NEXN: variants seen among roughly 807,000 people sequenced by gnomAD.
NEXN encodes the protein nexilin F-actin binding protein.
NEXN carries 65 observed loss-of-function variants against 92.6 expected under a neutral mutation model. The ratio of observed to expected loss-of-function variants is 0.70; its 90% confidence interval spans 0.57 to 0.86. The LOEUF (loss-of-function observed/expected upper bound fraction) is 0.86, where lower values mean the gene tolerates loss of function less well. Among genes scored for constraint, NEXN ranks in the 40% least tolerant of loss-of-function variants. NEXN has a pLI of 0.00. For synonymous variants in NEXN, 254 were observed against 242.5 expected (o/e 1.05, Z -0.44); for missense variants, 778 against 771.1 (o/e 1.01, Z -0.11).
intron 1 of NEXN, among the ~76,000 whole-genome samples, chr1:77,911,918 A>C (rs2102074687): frequency 6.6e-6 from 1 of 151,892 alleles, no homozygotes; most frequent in Non-Finnish European, 1.5e-5. Context: ...GTCTCTACTA[A>C]AAATACAAAA....
At position 77,939,244 on chromosome 1, in the gene NEXN, G is replaced by C. The variant is rs116656120; in HGVS notation, c.1474-2779G>C. Among the ~76,000 whole-genome samples, 418 of 152,286 alleles carry C rather than the reference G, an allele frequency of 2.7e-3. 2 individuals carry two copies. The highest frequency in any genetic ancestry group is 9.3e-3 in the African/African-American group (388 of 41,542). On this transcript the variant is annotated intron_variant, in intron 11 of 12. Transcript: ENST00000334785. ...TGATGCTATAGAGAAATCAGGTCTG[G>C]GGAGTTGGGGTGAATAGTTTTGGCA...
At chr1:77,892,746 G>C (rs1299729607) in intron 1 of NEXN, among the ~76,000 whole-genome samples, 1 of 152,068 alleles carries the variant, frequency 6.6e-6, no homozygotes, top group Non-Finnish European at 1.5e-5. Context: ...GTGTCGATTA[G>C]AGCTGGAAGG....
Position 77,939,739 on chromosome 1 carries a change from CAT to C in NEXN, c.1474-2281_1474-2280del, listed in dbSNP as rs1170132191. On this transcript the variant is annotated intron_variant, in intron 11 of 12. Coordinates refer to ENST00000334785, the MANE Select transcript of NEXN (RefSeq NM_144573.4). Reference sequence around the variant, plus strand: ...TGGAGGACAATGAAGTCCCTCCTATCATATCTTTCTGGCTTAAAGATTATTGA... The same window carrying C: ...TGGAGGACAATGAAGTCCCTCCTATCATCTTTCTGGCTTAAAGATTATTGA... Among the ~76,000 whole-genome samples, 3 of 152,288 alleles carry C rather than the reference CAT, an allele frequency of 2.0e-5. No individual in the cohort carries two copies. In the South Asian group the frequency reaches 6.2e-4, roughly 32 times the overall value.
intron 1 of NEXN, among the ~76,000 whole-genome samples, chr1:77,892,065 AGAGT>A (rs1571056943): frequency 1.3e-5 from 2 of 151,956 alleles, no homozygotes; most frequent in Non-Finnish European, 2.9e-5. Flanking sequence ...CCTAAGCAAC[AGAGT>A]GAGGCTCTGT....
chr1:77,911,779 C>A, intron 1 of NEXN, among the ~76,000 whole-genome samples: 1 of 149,424 alleles, frequency 6.7e-6, no homozygotes, highest in African/African-American at 2.5e-5. Context: ...ATTCCAAAAT[C>A]CAAAAAAGAT....
At chr1:77,927,028 T>A in intron 8 of NEXN, 136 bp downstream of exon 8, 1 of 1,209,282 alleles carries the variant, frequency 8.3e-7, no homozygotes, top group Non-Finnish European at 1.2e-6. Flanking sequence ...ATTTCATATA[T>A]AAAATACATC....
At chr1:77,914,628 G>A (rs1648822389) in intron 1 of NEXN, among the ~76,000 whole-genome samples, 1 of 152,064 alleles carries the variant, frequency 6.6e-6, no homozygotes, top group Admixed American at 6.6e-5. Flanking sequence ...GGAGGCCTAG[G>A]TGGGTGGATC....
intron 1 of NEXN, among the ~76,000 whole-genome samples, chr1:77,890,538 TTA>T (rs1220282672): frequency 6.6e-6 from 1 of 152,136 alleles, no homozygotes; most frequent in African/African-American, 2.4e-5. Context: ...AAGGAATGCA[TTA>T]TCTAGGTTTT....
chr1:77,940,918 T>C (rs1310091117), intron 11 of NEXN, among the ~76,000 whole-genome samples: 1 of 152,278 alleles, frequency 6.6e-6, no homozygotes, highest in East Asian at 1.9e-4. Flanking sequence ...AGGTAGCAGG[T>C]TGTCTGATGT....
At position 77,933,468 on chromosome 1, in the gene NEXN, G is replaced by C. The variant is rs774281959; in HGVS notation, c.1240G>C (p.Glu414Gln). The C allele has an allele frequency of 6.2e-7, 1 of 1,606,022 alleles. No homozygotes were observed. The highest frequency in any genetic ancestry group is 1.7e-5 in the Admixed American group (1 of 59,984). Residue 414 changes from glutamate (E) to glutamine (Q), a missense_variant, in exon 10 of 13, where the codon GAA (glutamate) becomes CAA (glutamine). By Grantham distance (29) the Glu-to-Gln change is conservative. Transcript: ENST00000334785. ...EKQEFEQLRQEMGEEEEENET... is the reference protein window; with the variant it reads ...EKQEFEQLRQQMGEEEEENET... Reference sequence around the variant, plus strand: ...ACAAGAATTTGAACAACTGAGACAGGAAATGGGAGAGGTAAGATTTTAAGA... The same window carrying C: ...ACAAGAATTTGAACAACTGAGACAGCAAATGGGAGAGGTAAGATTTTAAGA...
intron 1 of NEXN, among the ~76,000 whole-genome samples, chr1:77,890,938 G>C (rs943492138): frequency 1.3e-5 from 2 of 152,096 alleles, no homozygotes; most frequent in Admixed American, 1.3e-4. Context: ...AATTTGGAGA[G>C]AAAATGATTT....
At chr1:77,912,398 A>G (rs1428469564) in intron 1 of NEXN, among the ~76,000 whole-genome samples, 1 of 152,184 alleles carries the variant, frequency 6.6e-6, no homozygotes, top group African/African-American at 2.4e-5. Context: ...GATTCAATGC[A>G]ATCCCAATCA....
At position 77,942,617 on chromosome 1, in the gene NEXN, A is replaced by T. The variant is rs1179478486; in HGVS notation, c.1816A>T (p.Thr606Ser). 17 of 1,613,894 alleles carry T rather than the reference A, an allele frequency of 1.1e-5. No homozygotes were observed. The highest frequency in any genetic ancestry group is 1.4e-5 in the Non-Finnish European group (16 of 1,179,794). The part of the protein sequence containing the change: ...SEPVRFTVKV[T>S]GEPKPEITWW... ...GCCAGTCAGATTTACGGTTAAAGTAACAGGAGAACCCAAACCAGAAATTAC... is the reference window on the plus strand; with the variant it reads ...GCCAGTCAGATTTACGGTTAAAGTATCAGGAGAACCCAAACCAGAAATTAC... Residue 606 changes from threonine (T) to serine (S), a missense_variant, in exon 13 of 13, where the codon ACA becomes TCA. Coordinates refer to ENST00000334785, the MANE Select transcript of NEXN (RefSeq NM_144573.4).
intron 5 of NEXN, among the ~76,000 whole-genome samples, chr1:77,922,087 G>C (rs1195384122): frequency 2.0e-5 from 3 of 150,980 alleles, no homozygotes; most frequent in Non-Finnish European, 3.0e-5. Flanking sequence ...TTTTTATTGA[G>C]AGATTAACAT....
rs374260457 is a variant in NEXN at position 77,929,480 on chromosome 1, G to A, written c.1029G>A (p.Ala343=). ...ARRRIEEEKK[A]FAEARRNMVV... is the part of the protein sequence containing the mutation. ...GGAGAATAGAGGAAGAAAAGAAGGCGTTTGCTGAAGCAAGGAGAAATATGG... is the reference window on the plus strand; with the variant it reads ...GGAGAATAGAGGAAGAAAAGAAGGCATTTGCTGAAGCAAGGAGAAATATGG... Residue 343 remains alanine (A), a synonymous_variant, in exon 9 of 13, where the codon GCG becomes GCA. Coordinates refer to ENST00000334785, the MANE Select transcript of NEXN (RefSeq NM_144573.4). 8.5e-5 allele frequency: 137 copies of A among 1,612,778 alleles called. No individual in the cohort carries two copies. Among genetic ancestry groups the A allele is most frequent in the African/African-American group, 6.0e-4 (45 of 74,994 alleles).
In NEXN at chr1:77,942,733, T is replaced by C. The variant is rs1557998780; in HGVS notation, c.1932T>C (p.Thr644=). ...CTTACTGCCTTTACTTACCAGAAAC[T>C]TTCCCAGAAGATGGAGGAGAGTATA... The part of the protein sequence containing the change: ...GETYCLYLPE[T]FPEDGGEYMC... Residue 644 remains threonine, a synonymous_variant, in exon 13 of 13, where the codon ACT becomes ACC. Coordinates refer to ENST00000334785, the MANE Select transcript of NEXN (RefSeq NM_144573.4). 1 of 1,613,768 alleles carries C rather than the reference T, an allele frequency of 6.2e-7. No homozygotes were observed. Among genetic ancestry groups the C allele is most frequent in the Non-Finnish European group, 8.5e-7 (1 of 1,179,740 alleles).
In NEXN at chr1:77,926,518, G is replaced by A; in HGVS notation, c.594G>A (p.Glu198=). Residue 198 remains glutamate (E), a synonymous_variant, in exon 7 of 13, where the codon GAG becomes GAA. Coordinates refer to ENST00000334785, the MANE Select transcript of NEXN (RefSeq NM_144573.4). ...NFEDLEKERE[E]KERIKYEEDK... ...AGGATCTAGAAAAAGAACGTGAAGA[G>A]AAAGAAAGGATCAAGTACGAGGAAG... 1.9e-6 allele frequency: 3 copies of A among 1,613,104 alleles called. No homozygotes were observed. Among genetic ancestry groups the A allele is most frequent in the Non-Finnish European group, 1.7e-6 (2 of 1,179,674 alleles).
chr1:77,895,029 ATTTTTT>A (rs559226754), intron 1 of NEXN, among the ~76,000 whole-genome samples: 88 of 61,658 alleles, frequency 1.4e-3, no homozygotes, highest in African/African-American at 5.5e-3. Flanking sequence ...CTATAGTGTA[ATTTTTT>A]TTTTTTTTTT....
At chr1:77,919,098 G>A (rs766493951) in intron 5 of NEXN, among the ~76,000 whole-genome samples, 40 of 152,272 alleles carry the variant, frequency 2.6e-4, no homozygotes, top group Non-Finnish European at 3.4e-4. Context: ...TACTTCTTAC[G>A]TAGCGGTGGC....
Sources: gnomAD v4.1 joint callset for allele counts (sites outside exome capture counted in the v4.1 genomes callset) on GRCh38, gnomAD v4.1.1 for gene constraint, MANE v1.5 for transcripts, NCBI Gene and HGNC (gene_info 2026-07-23, HGNC 2026-07-21) for gene names.